The following GDA variants were observed in gnomAD, a reference collection of about 807,000 sequenced individuals.
GDA encodes guanine deaminase, also known as cytoplasmic PSD-95 interactor.
A neutral mutation model predicts 59.6 loss-of-function variants in GDA; 18 were observed. That is an observed-to-expected ratio of 0.30 (90% CI 0.21 to 0.45). GDA has a LOEUF of 0.45. GDA is among the 20% of genes least tolerant of loss of function. GDA has a pLI of 1.00. For synonymous variants in GDA, 201 were observed against 201.1 expected, an observed-to-expected ratio of 1.00 and a Z score of 0.00; for missense variants, 427 against 552.3, an observed-to-expected ratio of 0.77 and a Z score of 2.27.
chr9:72,189,879 C>T (rs1295466336), intron 1 of GDA, among the ~76,000 whole-genome samples: 2 of 152,072 alleles, frequency 1.3e-5, no homozygotes, highest in Non-Finnish European at 2.9e-5. Context: ...ATGTTTTGTA[C>T]TTGAAAAGGA....
At chr9:72,133,287 T>TAAAAAAAAAA (rs1257876460) in intron 1 of GDA, among the ~76,000 whole-genome samples, 5 of 95,552 alleles carry the variant, frequency 5.2e-5, no homozygotes, top group Admixed American at 1.2e-4. Context: ...AGACTCTGTC[T>TAAAAAAAAAA]AAAAAAAAAA....
At chr9:72,243,817 G>A (rs1046425670) in intron 11 of GDA, among the ~76,000 whole-genome samples, 1 of 152,182 alleles carries the variant, frequency 6.6e-6, no homozygotes, top group Non-Finnish European at 1.5e-5. Flanking sequence ...AACAAAGGTA[G>A]TCGATTCAAT....
At chr9:72,119,878 C>T (rs958266550) in intron 1 of GDA, among the ~76,000 whole-genome samples, 6 of 151,982 alleles carry the variant, frequency 3.9e-5, no homozygotes, top group African/African-American at 1.2e-4. Flanking sequence ...GTGACTTCTG[C>T]AGAAAAGATA....
chr9:72,218,634 C>T (rs1025230094), intron 5 of GDA, among the ~76,000 whole-genome samples: 2 of 152,166 alleles, frequency 1.3e-5, no homozygotes, highest in Non-Finnish European at 2.9e-5. Flanking sequence ...CATCCCATTC[C>T]CCATGCACCT....
upstream of GDA, among the ~76,000 whole-genome samples, chr9:72,147,719 A>G (rs1291922901): frequency 1.3e-5 from 2 of 152,008 alleles, no homozygotes; most frequent in Non-Finnish European, 2.9e-5. Flanking sequence ...GAAACATCTG[A>G]TTGAATCCTA....
chr9:72,123,477 C>G, intron 1 of GDA, among the ~76,000 whole-genome samples: 1 of 144,464 alleles, frequency 6.9e-6, no homozygotes, highest in African/African-American at 2.6e-5. Flanking sequence ...GCCACCATGC[C>G]CGGCCTTTTT....
chr9:72,198,410 G>A (rs1833465000), intron 2 of GDA, among the ~76,000 whole-genome samples: 1 of 151,782 alleles, frequency 6.6e-6, no homozygotes, highest in African/African-American at 2.4e-5. Flanking sequence ...ATGGTGGTGG[G>A]CCCCTGTAGT....
At chr9:72,210,302 C>G (rs1835195347) in intron 3 of GDA, among the ~76,000 whole-genome samples, 1 of 152,136 alleles carries the variant, frequency 6.6e-6, no homozygotes, top group African/African-American at 2.4e-5. Flanking sequence ...ATGTGATTAA[C>G]CTTCCAGGTT....
At chr9:72,190,906 T>C in intron 1 of GDA, among the ~76,000 whole-genome samples, 1 of 152,190 alleles carries the variant, frequency 6.6e-6, no homozygotes, top group South Asian at 2.1e-4. Flanking sequence ...TATCTATGAA[T>C]GATTGTTAGT....
chr9:72,226,731 A>G (rs1837636526), intron 8 of GDA, among the ~76,000 whole-genome samples: 1 of 152,192 alleles, frequency 6.6e-6, no homozygotes, highest in Admixed American at 6.5e-5. Flanking sequence ...TTCATTCTTT[A>G]TATATTTTCC....
At chr9:72,137,797 C>T (rs1826295603) in intron 1 of GDA, among the ~76,000 whole-genome samples, 1 of 151,786 alleles carries the variant, frequency 6.6e-6, no homozygotes, top group Non-Finnish European at 1.5e-5. Flanking sequence ...CTGTTACAAC[C>T]AAAATTATTT....
At chr9:72,157,041 T>C (rs899101265) in intron 1 of GDA, among the ~76,000 whole-genome samples, 4 of 143,024 alleles carry the variant, frequency 2.8e-5, no homozygotes, top group African/African-American at 5.2e-5. Context: ...TTTTTTTTTT[T>C]TTTTTTTTTT....
At chr9:72,148,349 G>A (rs1161107411), upstream of GDA, among the ~76,000 whole-genome samples, 4 of 141,894 alleles carry the variant, frequency 2.8e-5, no homozygotes, top group Admixed American at 1.4e-4. Context: ...GTGTGTGTGT[G>A]TGTATTGGTG....
intron 10 of GDA, 124 bp downstream of exon 10, chr9:72,231,305 G>A (rs894804061): frequency 1.6e-5 from 10 of 609,966 alleles, no homozygotes; most frequent in Middle Eastern, 6.9e-4. Flanking sequence ...GGCCGGGCAC[G>A]GTAGCTCACG....
intron 1 of GDA, among the ~76,000 whole-genome samples, chr9:72,117,693 T>C (rs1249951718): frequency 1.3e-5 from 2 of 152,220 alleles, no homozygotes; most frequent in African/African-American, 4.8e-5. Context: ...CTGGTTAAAA[T>C]GTGTCACATG....
chr9:72,192,630 C>A (rs1428852583), intron 1 of GDA, among the ~76,000 whole-genome samples: 1 of 151,120 alleles, frequency 6.6e-6, no homozygotes, highest in Non-Finnish European at 1.5e-5. Context: ...ACCTGTAATC[C>A]CAGCACTTTG....
intron 9 of GDA, among the ~76,000 whole-genome samples, chr9:72,230,555 G>T (rs1457497728): frequency 6.6e-6 from 1 of 150,958 alleles, no homozygotes; most frequent in East Asian, 1.9e-4. Flanking sequence ...GAGTCACAAG[G>T]TCCCAAATTC....
intron 10 of GDA, among the ~76,000 whole-genome samples, chr9:72,239,178 C>CTCT (rs894475310): frequency 6.6e-6 from 1 of 152,180 alleles, no homozygotes; most frequent in African/African-American, 2.4e-5. Context: ...AAAGGCTTGA[C>CTCT]TCTTACTAAA....
chr9:72,226,994 TG>T (rs1189067550), intron 8 of GDA, among the ~76,000 whole-genome samples: 2 of 152,086 alleles, frequency 1.3e-5, no homozygotes, highest in African/African-American at 4.8e-5. Flanking sequence ...GGCAGGCGCC[TG>T]TAGTCCCAGC....
Sources: allele counts gnomAD v4.1 joint callset (sites outside exome capture counted in the v4.1 genomes callset), GRCh38; gene constraint gnomAD v4.1.1; transcripts MANE v1.5; gene names NCBI Gene and HGNC (gene_info 2026-07-23, HGNC 2026-07-21).